Variants in SOX5 observed in about 807,000 individuals in gnomAD.
SOX5 encodes transcription factor SOX-5.
In SOX5, 9 loss-of-function variants were observed where a neutral mutation model predicts 92.0. That is an observed-to-expected ratio of 0.10 (90% CI 0.06 to 0.17). The LOEUF (loss-of-function observed/expected upper bound fraction) is 0.17. Among genes scored for constraint, SOX5 ranks in the 10% least tolerant of loss-of-function variants. SOX5 has a pLI of 1.00. For missense variants in SOX5, 642 were observed against 944.5 expected (o/e 0.68, Z 4.20); for synonymous variants, 344 against 336.3 (o/e 1.02, Z -0.25).
intron 3 of SOX5, among the ~76,000 whole-genome samples, chr12:23,825,716 CAAAT>C (rs1485998702): frequency 6.6e-6 from 1 of 151,974 alleles, no homozygotes; most frequent in Non-Finnish European, 1.5e-5. Context: ...TTCAAAACAA[CAAAT>C]AGATAATATT....
chr12:23,877,872 T>G (rs2096944921), intron 2 of SOX5, among the ~76,000 whole-genome samples: 1 of 152,074 alleles, frequency 6.6e-6, no homozygotes, highest in African/African-American at 2.4e-5. Flanking sequence ...ATTTTGTGCA[T>G]TTGTGTTTTC....
intron 2 of SOX5, among the ~76,000 whole-genome samples, chr12:23,890,403 T>C (rs1595412370): frequency 6.6e-6 from 1 of 151,942 alleles, no homozygotes; most frequent in African/African-American, 2.4e-5. Context: ...AGATAAAATA[T>C]GCTTTTTATT....
intron 2 of SOX5, among the ~76,000 whole-genome samples, chr12:24,364,278 T>G (rs1037660109): frequency 2.6e-5 from 4 of 152,116 alleles, no homozygotes; most frequent in Middle Eastern, 3.4e-3. Flanking sequence ...GAAATGTTTT[T>G]ACAATTCACA....
intron 1 of SOX5, among the ~76,000 whole-genome samples, chr12:24,450,593 C>G (rs1232400998): frequency 6.6e-6 from 1 of 152,040 alleles, no homozygotes; most frequent in Non-Finnish European, 1.5e-5. Context: ...CTCCCAGGCT[C>G]AAGTGATTCT....
At chr12:24,451,283 T>TAC (rs1566196933) in intron 1 of SOX5, among the ~76,000 whole-genome samples, 1 of 152,188 alleles carries the variant, frequency 6.6e-6, no homozygotes, top group Non-Finnish European at 1.5e-5. Context: ...TATATATATA[T>TAC]ACTGATTCCT....
intron 3 of SOX5, among the ~76,000 whole-genome samples, chr12:23,835,660 C>G (rs1445701388): frequency 6.6e-6 from 1 of 151,682 alleles, no homozygotes; most frequent in Non-Finnish European, 1.5e-5. Flanking sequence ...TACTATTATT[C>G]AATACTATTA....
intron 1 of SOX5, among the ~76,000 whole-genome samples, chr12:24,451,385 T>C (rs1048370060): frequency 1.3e-5 from 2 of 152,200 alleles, no homozygotes; most frequent in South Asian, 2.1e-4. Context: ...CAGTTCTCCA[T>C]AGTGGTTGCT....
chr12:24,204,086 G>A (rs905198382), intron 4 of SOX5, among the ~76,000 whole-genome samples: 26 of 151,960 alleles, frequency 1.7e-4, no homozygotes, highest in African/African-American at 6.3e-4. Flanking sequence ...CCCAACTAGT[G>A]TAATTAATCA....
chr12:23,871,222 T>C (rs1303530005), intron 2 of SOX5, among the ~76,000 whole-genome samples: 1 of 152,192 alleles, frequency 6.6e-6, no homozygotes, highest in East Asian at 1.9e-4. Context: ...TTTGACTCTC[T>C]TACTGTCTGA....
intron 2 of SOX5, among the ~76,000 whole-genome samples, chr12:24,320,874 T>A (rs11047363): frequency 0.66 from 86,448 of 130,074 alleles, 25,737 homozygotes; most frequent in East Asian, 0.78. Context: ...CAAAAAAAAA[T>A]AATAATAATA....
intron 4 of SOX5, among the ~76,000 whole-genome samples, chr12:24,103,078 G>C (rs1946273508): frequency 1.3e-5 from 2 of 152,184 alleles, no homozygotes; most frequent in Non-Finnish European, 2.9e-5. Flanking sequence ...CCCACTGAGA[G>C]GCTTCTTTGA....
intron 2 of SOX5, among the ~76,000 whole-genome samples, chr12:23,886,080 G>A (rs974493993): frequency 6.6e-6 from 1 of 152,020 alleles, no homozygotes; most frequent in African/African-American, 2.4e-5. Context: ...AGTTCTGATT[G>A]TATTCCTTAA....
intron 6 of SOX5, among the ~76,000 whole-genome samples, chr12:23,687,972 T>G (rs966004184): frequency 6.6e-6 from 1 of 151,944 alleles, no homozygotes; most frequent in Non-Finnish European, 1.5e-5. Flanking sequence ...CCTAGAATAC[T>G]CTAGACAATA....
intron 3 of SOX5, among the ~76,000 whole-genome samples, chr12:23,770,160 G>T (rs2094883063): frequency 1.3e-5 from 2 of 148,236 alleles, no homozygotes; most frequent in Admixed American, 1.4e-4. Context: ...TTCAGAACCA[G>T]CTCTTTCTTC....
intron 4 of SOX5, among the ~76,000 whole-genome samples, chr12:24,176,977 G>GTTT (rs11295163): frequency 1.5e-5 from 2 of 135,100 alleles, no homozygotes; most frequent in Non-Finnish European, 3.2e-5. Flanking sequence ...TTTGTTTTTT[G>GTTT]TTTTTTTTTT....
At chr12:24,439,482 C>T (rs1008521558) in intron 1 of SOX5, among the ~76,000 whole-genome samples, 4 of 152,320 alleles carry the variant, frequency 2.6e-5, no homozygotes, top group Non-Finnish European at 2.9e-5. Flanking sequence ...GTCTTCCCAG[C>T]TCAATCTCAT....
chr12:24,364,511 C>T (rs866679340), intron 2 of SOX5, among the ~76,000 whole-genome samples: 9 of 110,526 alleles, frequency 8.1e-5, no homozygotes, highest in East Asian at 2.8e-4. Flanking sequence ...AACATTTTTT[C>T]ATATATATAT....
intron 2 of SOX5, among the ~76,000 whole-genome samples, chr12:24,355,280 ATC>A (rs1954665482): frequency 1.2e-5 from 1 of 84,034 alleles, no homozygotes; most frequent in African/African-American, 5.8e-5. Flanking sequence ...TGAGGGGTGC[ATC>A]TTTTTTTTTT....
At chr12:24,486,773 C>G (rs1946567554) in intron 1 of SOX5, among the ~76,000 whole-genome samples, 1 of 152,220 alleles carries the variant, frequency 6.6e-6, no homozygotes, top group Non-Finnish European at 1.5e-5. Flanking sequence ...ACAGCCTAAG[C>G]AATGTTACCA....
Sources: allele counts gnomAD v4.1 joint callset (sites outside exome capture counted in the v4.1 genomes callset), GRCh38; gene constraint gnomAD v4.1.1; transcripts MANE v1.5; gene names NCBI Gene and HGNC (gene_info 2026-07-23, HGNC 2026-07-21).